Variants in KCNH1 observed in about 807,000 individuals in gnomAD.
The protein encoded by KCNH1 is voltage-gated delayed rectifier potassium channel KCNH1.
Under a neutral mutation model 69.2 loss-of-function variants are expected in KCNH1, and 27 were observed. The ratio of observed to expected loss-of-function variants is 0.39; its 90% CI spans 0.29 to 0.54. The LOEUF (loss-of-function observed/expected upper bound fraction) is 0.54. KCNH1 is among the 20% of genes least tolerant of loss of function. The probability of loss-of-function intolerance (pLI) is 0.68; values close to 1 mark genes in which losing one functional copy is unlikely to be tolerated. For missense variants in KCNH1, 798 were observed against 1,261.6 expected (o/e 0.63, Z 5.57); for synonymous variants, 456 against 487.7 (o/e 0.93, Z 0.86).
chr1:210,998,500 A>G (rs1689099383), intron 6 of KCNH1, among the ~76,000 whole-genome samples: 2 of 152,082 alleles, frequency 1.3e-5, no homozygotes, highest in South Asian at 4.2e-4. Flanking sequence ...AGGAGCACCC[A>G]GATTCATAAA....
chr1:210,853,489 A>G (rs1336626866), intron 7 of KCNH1, among the ~76,000 whole-genome samples: 1 of 152,140 alleles, frequency 6.6e-6, no homozygotes, highest in Non-Finnish European at 1.5e-5. Flanking sequence ...AAACTTTCCA[A>G]TGGATCTCAA....
chr1:210,970,285 C>T (rs938789579), intron 6 of KCNH1, among the ~76,000 whole-genome samples: 4 of 137,602 alleles, frequency 2.9e-5, no homozygotes, highest in African/African-American at 3.5e-5. Flanking sequence ...CCCCAACAGG[C>T]CCCGGTGTAT....
intron 10 of KCNH1, among the ~76,000 whole-genome samples, chr1:210,763,277 G>A (rs1236452840): frequency 6.6e-6 from 1 of 152,010 alleles, no homozygotes; most frequent in African/African-American, 2.4e-5. Context: ...ATACTGAATG[G>A]ACAAAAGGCA....
intron 6 of KCNH1, among the ~76,000 whole-genome samples, chr1:210,974,035 C>T (rs1365741690): frequency 2.6e-5 from 4 of 152,134 alleles, no homozygotes; most frequent in African/African-American, 9.7e-5. Flanking sequence ...TTCACCACAG[C>T]CTCCCCAGAA....
chr1:210,752,866 T>C (rs532807837), intron 10 of KCNH1, among the ~76,000 whole-genome samples: 1 of 152,264 alleles, frequency 6.6e-6, no homozygotes, highest in South Asian at 2.1e-4. Flanking sequence ...GATGAAATCA[T>C]CTTGCATTTA....
chr1:210,859,295 G>T, intron 7 of KCNH1: 2 of 1,556,200 alleles, frequency 1.3e-6, no homozygotes, highest in Non-Finnish European at 8.9e-7. Context: ...TCTTTGATTG[G>T]CCAGAGTTAC....
chr1:211,000,019 A>C (rs1689141173), intron 6 of KCNH1, among the ~76,000 whole-genome samples: 1 of 152,254 alleles, frequency 6.6e-6, no homozygotes, highest in South Asian at 2.1e-4. Flanking sequence ...ATCTCAAAAT[A>C]ATAAGAGCTA....
chr1:210,902,031 T>C (rs1687006752), intron 7 of KCNH1, among the ~76,000 whole-genome samples: 1 of 152,144 alleles, frequency 6.6e-6, no homozygotes, highest in Non-Finnish European at 1.5e-5. Context: ...CTGGGCTACA[T>C]GTGGGCAGCT....
intron 5 of KCNH1, among the ~76,000 whole-genome samples, chr1:211,060,555 G>T (rs1363729234): frequency 2.0e-5 from 3 of 150,422 alleles, no homozygotes; most frequent in African/African-American, 7.3e-5. Context: ...CTGGTTTTTT[G>T]AAAAGAAAAA....
intron 6 of KCNH1, among the ~76,000 whole-genome samples, chr1:210,995,872 G>A (rs934569261): frequency 6.6e-6 from 1 of 152,182 alleles, no homozygotes; most frequent in African/African-American, 2.4e-5. Context: ...TATAATCCAA[G>A]TGTAAGTAAT....
At chr1:211,033,811 G>T (rs1468474580) in intron 5 of KCNH1, among the ~76,000 whole-genome samples, 1 of 152,046 alleles carries the variant, frequency 6.6e-6, no homozygotes, top group Non-Finnish European at 1.5e-5. Context: ...TATACCTAAT[G>T]TTAAATGATT....
chr1:210,733,866 A>G (rs990696759), intron 10 of KCNH1, among the ~76,000 whole-genome samples: 2 of 152,086 alleles, frequency 1.3e-5, no homozygotes, highest in Non-Finnish European at 2.9e-5. Context: ...TTCTTGTTCA[A>G]GGTCTGGTCA....
intron 7 of KCNH1, among the ~76,000 whole-genome samples, chr1:210,902,858 G>A (rs373103642): frequency 2.6e-5 from 4 of 152,110 alleles, no homozygotes; most frequent in Admixed American, 6.5e-5. Context: ...TCATGTCTGC[G>A]TTTCATCTTG....
intron 10 of KCNH1, among the ~76,000 whole-genome samples, chr1:210,767,921 T>G (rs1451382893): frequency 2.0e-5 from 3 of 152,194 alleles, no homozygotes; most frequent in Non-Finnish European, 4.4e-5. Flanking sequence ...CTCTTCCACA[T>G]CTGACTCTAC....
At chr1:210,866,593 A>C (rs1021870667) in intron 7 of KCNH1, among the ~76,000 whole-genome samples, 1 of 152,092 alleles carries the variant, frequency 6.6e-6, no homozygotes, top group African/African-American at 2.4e-5. Context: ...AAATGGCCAT[A>C]ATCAAAACGA....
Position 210,686,737 on chromosome 1 carries a change from T to C in KCNH1, c.2113-2599A>G, listed in dbSNP as rs148035789. Among the ~76,000 whole-genome samples, 1,183 of 152,290 alleles carry C rather than the reference T, an allele frequency of 7.8e-3. 10 individuals are homozygous for C. The highest frequency in any genetic ancestry group is 0.027 in the African/African-American group (1,132 of 41,566). ...CCTTTTTCACTTGAGCAAGTTTGGG[T>C]GAGTCTATTCCTTGTAAGCAACAAT... On this transcript the variant is annotated intron_variant, in intron 10 of 10. Coordinates refer to ENST00000271751, the MANE Select transcript of KCNH1 (RefSeq NM_172362.3).
At chr1:210,768,876 C>G (rs1236715880) in intron 10 of KCNH1, among the ~76,000 whole-genome samples, 5 of 151,968 alleles carry the variant, frequency 3.3e-5, no homozygotes, top group Admixed American at 6.6e-5. Flanking sequence ...ACCTGAGGAC[C>G]CATGAAAGAC....
At chr1:211,127,093 T>A (rs746988196) in intron 1 of KCNH1, among the ~76,000 whole-genome samples, 1 of 152,174 alleles carries the variant, frequency 6.6e-6, no homozygotes. Flanking sequence ...CGTCATAGAT[T>A]CCTCTGTTAG....
At chr1:211,078,965 A>C (rs1220498056) in intron 5 of KCNH1, among the ~76,000 whole-genome samples, 1 of 151,146 alleles carries the variant, frequency 6.6e-6, no homozygotes, top group Non-Finnish European at 1.5e-5. Flanking sequence ...AACTAAGATG[A>C]GAGCAGAACT....
Sources: allele counts gnomAD v4.1 joint callset (sites outside exome capture counted in the v4.1 genomes callset), GRCh38; gene constraint gnomAD v4.1.1; transcripts MANE v1.5; gene names NCBI Gene and HGNC (gene_info 2026-07-23, HGNC 2026-07-21).